The following EPHA5 variants were observed in gnomAD, a reference collection of about 807,000 sequenced individuals.
EPHA5 encodes the protein ephrin type-A receptor 5.
EPHA5 carries 60 observed loss-of-function variants against 105.0 expected under a neutral mutation model. That is an observed-to-expected ratio of 0.57 (90% CI 0.46 to 0.71). EPHA5 has a LOEUF of 0.71. Ranked by LOEUF, EPHA5 falls within the 30% of genes least tolerant of loss-of-function variation. The probability of loss-of-function intolerance (pLI) is 0.00; values close to 1 mark genes in which losing one functional copy is unlikely to be tolerated. For synonymous variants in EPHA5, 513 were observed against 449.1 expected, an observed-to-expected ratio of 1.14 and a Z score of -1.80; for missense variants, 1,218 against 1,274.7, an observed-to-expected ratio of 0.96 and a Z score of 0.68.
intron 4 of EPHA5, 118 bp downstream of exon 4, chr4:65,495,270 G>T: frequency 8.8e-7 from 1 of 1,137,604 alleles, no homozygotes; most frequent in Non-Finnish European, 1.3e-6. Flanking sequence ...GTATAGAGAT[G>T]ATTAAACATT....
At chr4:65,515,605 T>A (rs1734035124) in intron 3 of EPHA5, among the ~76,000 whole-genome samples, 1 of 152,194 alleles carries the variant, frequency 6.6e-6, no homozygotes, top group Non-Finnish European at 1.5e-5. Flanking sequence ...ATAGGATTTT[T>A]AAAAATTTTA....
chr4:65,663,020 G>T (rs1379550644), intron 1 of EPHA5, among the ~76,000 whole-genome samples: 1 of 152,062 alleles, frequency 6.6e-6, no homozygotes, highest in Non-Finnish European at 1.5e-5. Flanking sequence ...GTTTTGTTAT[G>T]CTCACCTATA....
At chr4:65,516,453 C>T (rs137919317) in intron 3 of EPHA5, among the ~76,000 whole-genome samples, 42 of 151,966 alleles carry the variant, frequency 2.8e-4, no homozygotes, top group African/African-American at 8.9e-4. Context: ...GAGAATGTTG[C>T]CTGGCTATTT....
intron 8 of EPHA5, among the ~76,000 whole-genome samples, chr4:65,403,038 A>G (rs537713263): frequency 6.6e-6 from 1 of 152,310 alleles, no homozygotes; most frequent in East Asian, 1.9e-4. Context: ...GAAATTCTAA[A>G]AACGCGTAAA....
intron 3 of EPHA5, among the ~76,000 whole-genome samples, chr4:65,523,109 C>G (rs1395793023): frequency 6.6e-6 from 1 of 151,676 alleles, no homozygotes. Context: ...GTGGTTAGAC[C>G]AAAACGATAT....
chr4:65,618,081 G>A (rs1168109717), intron 2 of EPHA5, among the ~76,000 whole-genome samples: 1 of 151,954 alleles, frequency 6.6e-6, no homozygotes, highest in East Asian at 1.9e-4. Context: ...TCTTGCCAGG[G>A]AACAAGACCT....
intron 8 of EPHA5, among the ~76,000 whole-genome samples, chr4:65,389,278 T>G (rs936360723): frequency 6.6e-6 from 1 of 152,178 alleles, no homozygotes; most frequent in East Asian, 1.9e-4. Flanking sequence ...AAAAATCTCT[T>G]GAACAACATT....
chr4:65,436,724 T>A (rs1470482827), intron 5 of EPHA5, among the ~76,000 whole-genome samples: 1 of 151,984 alleles, frequency 6.6e-6, no homozygotes, highest in Non-Finnish European at 1.5e-5. Context: ...CAAATAAACA[T>A]AAGATTACCA....
chr4:65,414,249 T>C, intron 7 of EPHA5, 35 bp downstream of exon 7: 3 of 1,604,248 alleles, frequency 1.9e-6, no homozygotes, highest in Non-Finnish European at 1.7e-6. Flanking sequence ...TAACCATTAC[T>C]GAGACATGAG....
chr4:65,528,680 AT>A (rs1318421594), intron 3 of EPHA5, among the ~76,000 whole-genome samples: 2 of 151,934 alleles, frequency 1.3e-5, no homozygotes, highest in Admixed American at 6.6e-5. Flanking sequence ...GTTTCATGTT[AT>A]TTTTTTTCCA....
intron 2 of EPHA5, among the ~76,000 whole-genome samples, chr4:65,631,746 A>ATAG (rs1746654812): frequency 6.6e-6 from 1 of 151,066 alleles, no homozygotes; most frequent in Non-Finnish European, 1.5e-5. Flanking sequence ...AATAATAATA[A>ATAG]TAATAATAAA....
chr4:65,470,322 G>T (rs892984635), intron 5 of EPHA5, among the ~76,000 whole-genome samples: 3 of 151,826 alleles, frequency 2.0e-5, no homozygotes, highest in African/African-American at 7.3e-5. Context: ...CTCCCGAGTA[G>T]CTGGGATTAC....
chr4:65,520,723 C>G (rs1734612305), intron 3 of EPHA5, among the ~76,000 whole-genome samples: 1 of 152,028 alleles, frequency 6.6e-6, no homozygotes, highest in South Asian at 2.1e-4. Context: ...AGGATGTGAA[C>G]AGACACTTCT....
intron 3 of EPHA5, among the ~76,000 whole-genome samples, chr4:65,575,260 T>C (rs987577279): frequency 1.3e-5 from 2 of 149,466 alleles, no homozygotes; most frequent in Non-Finnish European, 3.0e-5. Flanking sequence ...CTCACAACCT[T>C]GGATGGTCAG....
At chr4:65,430,902 A>G (rs900845534) in intron 5 of EPHA5, among the ~76,000 whole-genome samples, 2 of 152,146 alleles carry the variant, frequency 1.3e-5, no homozygotes, top group African/African-American at 4.8e-5. Flanking sequence ...ATAAAAAGCA[A>G]TAGGAGAAAC....
At position 65,544,605 on chromosome 4, in the gene EPHA5, AGC is replaced by A. The variant is rs543120874; in HGVS notation, c.911-49064_911-49063del. 3.9e-5 allele frequency among the ~76,000 whole-genome samples: 6 copies of A among 152,110 alleles called. No homozygotes were observed. In the East Asian group the frequency reaches 1.2e-3, roughly 29 times the overall value. On this transcript the variant is annotated intron_variant, in intron 3 of 16. Transcript: ENST00000613740. ...GATGCTGGCATGGCTATGGAGAAAT[AGC>A]GACGCTTTTACATTGTTGGCAGGAA...
intron 7 of EPHA5, among the ~76,000 whole-genome samples, chr4:65,409,377 G>A (rs959680415): frequency 1.2e-5 from 1 of 84,272 alleles, no homozygotes; most frequent in Non-Finnish European, 2.8e-5. Flanking sequence ...AAATAAAAGA[G>A]CTTTGTAAGC....
In EPHA5 at chr4:65,365,689, A is replaced by ATATATATATATATATATATATATATT. The variant is rs765636669; in HGVS notation, c.1987+242_1987+243insAATATATATATATATATATATATATA. 1.4e-4 allele frequency among the ~76,000 whole-genome samples: 13 copies of ATATATATATATATATATATATATATT among 93,830 alleles called. 1 individual carries two copies. The highest frequency in any genetic ancestry group is 4.9e-4 in the Admixed American group (4 of 8,192). 61.6% of individuals were successfully genotyped at this position (93,830 alleles called of 152,430 possible). On this transcript the variant is annotated intron_variant, in intron 10 of 16. Coordinates refer to ENST00000613740, the MANE Select transcript of EPHA5 (RefSeq NM_001281766.3). The stretch of plus-strand genomic sequence containing the variant: ...TATATATATATATATATATATATAT[A>ATATATATATATATATATATATATATT]GTGAAACATTATCTATTTAAAATAT...
rs187358699 is a variant in EPHA5 at position 65,537,461 on chromosome 4, T to C, written c.911-41918A>G. The stretch of plus-strand genomic sequence containing the variant: ...TGCCAGAGAATGCTTACCTACCCTA[T>C]AGAATATACTTCAAAATAAACTAAA... On this transcript the variant is annotated intron_variant, in intron 3 of 16. Transcript: ENST00000613740. Among the ~76,000 whole-genome samples the C allele has an allele frequency of 3.8e-3, 580 of 151,894 alleles. 4 individuals carry two copies. Among genetic ancestry groups the C allele is most frequent in the Non-Finnish European group, 6.3e-3 (429 of 67,774 alleles).
Sources: gnomAD v4.1 joint callset for allele counts (sites outside exome capture counted in the v4.1 genomes callset) on GRCh38, gnomAD v4.1.1 for gene constraint, MANE v1.5 for transcripts, NCBI Gene and HGNC (gene_info 2026-07-23, HGNC 2026-07-21) for gene names.